The following RUNX1 variants were observed in gnomAD, a reference collection of about 807,000 sequenced individuals.
The protein encoded by RUNX1 is RUNX family transcription factor 1.
Under a neutral mutation model 42.8 loss-of-function variants are expected in RUNX1, and 19 were observed. The observed-to-expected ratio is 0.44, with a 90% CI of 0.31 to 0.65. The LOEUF is 0.65. RUNX1 is among the 30% of genes least tolerant of loss of function. The pLI is 0.07. For synonymous variants in RUNX1, 271 were observed against 289.4 expected (o/e 0.94, Z 0.64); for missense variants, 528 against 672.0 (o/e 0.79, Z 2.37).
rs898363379 is a variant in RUNX1, at chr21:34,792,811, C to A, written c.968-201G>T. Among the ~76,000 whole-genome samples the A allele has an allele frequency of 1.3e-5, 2 of 151,638 alleles. No homozygotes were observed. Among genetic ancestry groups the A allele is most frequent in the Non-Finnish European group, 2.9e-5 (2 of 67,834 alleles). On this transcript the variant is annotated intron_variant, in intron 8 of 8. Coordinates refer to ENST00000675419, the MANE Select transcript of RUNX1 (RefSeq NM_001754.5). This position sits in a 1 kb window ranked among gnomAD's most constrained non-coding sequence, Gnocchi z 6.9. The stretch of plus-strand genomic sequence containing the variant: ...CGAGGATTACCCAGGATGCTATACC[C>A]AGGGGGACAGGGACCACCCAGGATG...
At chr21:35,026,581 G>A (rs1221698824) in intron 2 of RUNX1, among the ~76,000 whole-genome samples, 3 of 152,172 alleles carry the variant, frequency 2.0e-5, no homozygotes, top group Admixed American at 2.0e-4. Flanking sequence ...TACTGCAGAA[G>A]AGAAAGCAAC....
In RUNX1 at chr21:34,788,421, C is replaced by G. The variant is rs2056395225; in HGVS notation, c.*3714G>C. On this transcript the variant is annotated 3_prime_UTR_variant, in exon 9 of 9. Transcript: ENST00000675419. ...AAGTGAACTTAAAAAAAATTGGAAC[C>G]ATGCTATTAGCTGTTTACAAAAGTG... 3 of 232,750 alleles carry G rather than the reference C, an allele frequency of 1.3e-5. No homozygotes were observed. Among genetic ancestry groups the G allele is most frequent in the Non-Finnish European group, 2.5e-5 (3 of 117,790 alleles). The allele number at this position is 232,750 out of a possible 1,614,324, so 14.4% of individuals were successfully genotyped here.
chr21:34,916,724 C>T (rs908935377), intron 2 of RUNX1, among the ~76,000 whole-genome samples: 2 of 152,062 alleles, frequency 1.3e-5, no homozygotes, highest in South Asian at 2.1e-4. Context: ...GGGGATGTCA[C>T]GGAATGGCAC....
At chr21:34,949,049 C>T (rs778935634) in intron 2 of RUNX1, among the ~76,000 whole-genome samples, 3 of 151,892 alleles carry the variant, frequency 2.0e-5, no homozygotes, top group Non-Finnish European at 2.9e-5. Context: ...CCACTGTGCC[C>T]GGCCGGGATG....
At chr21:34,873,196 A>G (rs1363059052) in intron 5 of RUNX1, among the ~76,000 whole-genome samples, 1 of 152,240 alleles carries the variant, frequency 6.6e-6, no homozygotes, top group African/African-American at 2.4e-5. Context: ...AGCAAACTGG[A>G]GTGTTTCCAC....
chr21:34,927,369 T>C (rs2058403661), intron 2 of RUNX1, among the ~76,000 whole-genome samples: 1 of 152,050 alleles, frequency 6.6e-6, no homozygotes, highest in African/African-American at 2.4e-5. Context: ...CAAGCTGATG[T>C]TCATTTGTGA....
At chr21:35,021,336 T>C (rs2059196651) in intron 2 of RUNX1, among the ~76,000 whole-genome samples, 1 of 152,234 alleles carries the variant, frequency 6.6e-6, no homozygotes. Flanking sequence ...GCGAGCACTG[T>C]CTAAGTGTTT....
intron 2 of RUNX1, among the ~76,000 whole-genome samples, chr21:34,921,005 C>A (rs921685716): frequency 2.6e-5 from 4 of 152,026 alleles, no homozygotes; most frequent in Non-Finnish European, 4.4e-5. Context: ...ATTATAGGAG[C>A]CTGCCACCAT....
chr21:34,996,854 C>CA (rs1019513473), intron 2 of RUNX1, among the ~76,000 whole-genome samples: 1 of 152,144 alleles, frequency 6.6e-6, no homozygotes, highest in Non-Finnish European at 1.5e-5. Context: ...CACACATACA[C>CA]AGCAAACCCC....
chr21:35,001,424 T>C (rs965841827), intron 2 of RUNX1, among the ~76,000 whole-genome samples: 3 of 151,748 alleles, frequency 2.0e-5, no homozygotes. Flanking sequence ...CAATAATAAT[T>C]ACTATTCATT....
At chr21:34,826,994 T>G (rs1218626037) in intron 7 of RUNX1, among the ~76,000 whole-genome samples, 1 of 152,196 alleles carries the variant, frequency 6.6e-6, no homozygotes, top group East Asian at 1.9e-4. Context: ...AAAGAAGACC[T>G]TAGAACTAGG....
At chr21:35,035,751 T>A (rs2059303193) in intron 2 of RUNX1, among the ~76,000 whole-genome samples, 1 of 152,202 alleles carries the variant, frequency 6.6e-6, no homozygotes, top group Non-Finnish European at 1.5e-5. Context: ...CTCCCTCTCG[T>A]TTGACGCGGA....
chr21:34,986,036 C>A (rs1266790843), intron 2 of RUNX1, among the ~76,000 whole-genome samples: 1 of 151,924 alleles, frequency 6.6e-6, no homozygotes, highest in East Asian at 1.9e-4. Context: ...CTACACTGGG[C>A]TAATTTTTGT....
Position 34,918,258 on chromosome 21 carries a change from A to C in RUNX1, c.59-25295T>G, listed in dbSNP as rs145580418. Among the ~76,000 whole-genome samples, 1,060 of 152,022 alleles carry C rather than the reference A, an allele frequency of 7.0e-3. 13 individuals are homozygous for C. Among genetic ancestry groups the C allele is most frequent in the African/African-American group, 0.024 (1,010 of 41,418 alleles). ...CCAATCCCTTGGGGGTGCTCATGAG[A>C]TGAGAGATGCAGGGGCATGACAATA... On this transcript the variant is annotated intron_variant, in intron 2 of 8. Transcript: ENST00000675419.
intron 5 of RUNX1, among the ~76,000 whole-genome samples, chr21:34,870,274 TAAC>T (rs796162478): frequency 6.6e-6 from 1 of 152,226 alleles, no homozygotes; most frequent in South Asian, 2.1e-4. Flanking sequence ...CTGCAAAAAG[TAAC>T]AACTCCTAAC....
chr21:35,014,965 C>T (rs2059149698), intron 2 of RUNX1, among the ~76,000 whole-genome samples: 1 of 152,266 alleles, frequency 6.6e-6, no homozygotes, highest in South Asian at 2.1e-4. Context: ...ATATGCTGCA[C>T]AGCCCACACA....
intron 2 of RUNX1, among the ~76,000 whole-genome samples, chr21:34,978,218 A>G (rs112061539): frequency 0.014 from 2,183 of 152,278 alleles, 59 homozygotes; most frequent in African/African-American, 0.05. Flanking sequence ...GATTACAGGC[A>G]TGAGCCACCG....
At chr21:34,806,428 A>C (rs1370282886) in intron 7 of RUNX1, among the ~76,000 whole-genome samples, 4 of 152,244 alleles carry the variant, frequency 2.6e-5, no homozygotes, top group African/African-American at 9.6e-5. Context: ...GAATTCTCTA[A>C]GAAGACAGCA....
chr21:34,841,150 G>C (rs2057228777), intron 6 of RUNX1, among the ~76,000 whole-genome samples: 1 of 152,098 alleles, frequency 6.6e-6, no homozygotes, highest in Non-Finnish European at 1.5e-5. Flanking sequence ...AGTGGCAGTA[G>C]GCACATAAGT....
Sources: allele counts gnomAD v4.1 joint callset (sites outside exome capture counted in the v4.1 genomes callset), GRCh38; gene constraint gnomAD v4.1.1; non-coding constraint Gnocchi (gnomAD v3.1); transcripts MANE v1.5; gene names NCBI Gene and HGNC (gene_info 2026-07-23, HGNC 2026-07-21).